SV2C: variants seen among roughly 807,000 people sequenced by gnomAD.
SV2C encodes solute carrier family 22 member B3.
In SV2C, 49 loss-of-function variants were observed where a neutral mutation model predicts 79.7. The ratio of observed to expected loss-of-function variants is 0.61; its 90% CI spans 0.49 to 0.78. The LOEUF (loss-of-function observed/expected upper bound fraction) is 0.78, where lower values mean the gene tolerates loss of function less well. Among genes scored for constraint, SV2C ranks in the 30% least tolerant of loss-of-function variants. SV2C has a pLI of 0.00. For missense variants in SV2C, 833 were observed against 912.9 expected, an observed-to-expected ratio of 0.91 and a Z score of 1.13; for synonymous variants, 334 against 333.2, an observed-to-expected ratio of 1.00 and a Z score of -0.03.
intron 4 of SV2C, among the ~76,000 whole-genome samples, chr5:76,271,133 G>T (rs892139820): frequency 6.6e-6 from 1 of 151,816 alleles, no homozygotes; most frequent in Non-Finnish European, 1.5e-5. Context: ...GGAAAAAAAA[G>T]AAATAAAAAT....
intron 1 of SV2C, among the ~76,000 whole-genome samples, chr5:76,130,964 A>G (rs1286286760): frequency 6.6e-6 from 1 of 152,194 alleles, no homozygotes; most frequent in Non-Finnish European, 1.5e-5. Context: ...AACAAGCCAT[A>G]TGTTCTAATT....
chr5:76,134,556 G>A (rs533052718), intron 2 of SV2C, among the ~76,000 whole-genome samples: 1 of 152,252 alleles, frequency 6.6e-6, no homozygotes, highest in South Asian at 2.1e-4. Flanking sequence ...TTGCTACTAA[G>A]CATTGTGTCA....
At chr5:76,117,164 T>C (rs575908188) in intron 1 of SV2C, among the ~76,000 whole-genome samples, 3 of 152,336 alleles carry the variant, frequency 2.0e-5, no homozygotes, top group South Asian at 2.1e-4. Context: ...GCACATTTCC[T>C]GACCCAACCA....
At chr5:76,102,951 GT>G (rs539536622) in intron 1 of SV2C, among the ~76,000 whole-genome samples, 229 of 152,118 alleles carry the variant, frequency 1.5e-3, no homozygotes, top group Middle Eastern at 6.8e-3. Context: ...GCTAGATTTT[GT>G]TTTTTTATTA....
intron 4 of SV2C, among the ~76,000 whole-genome samples, chr5:76,244,199 C>T (rs1391852176): frequency 1.3e-5 from 2 of 152,230 alleles, no homozygotes; most frequent in African/African-American, 4.8e-5. Context: ...AAGAACCAAA[C>T]ACGGTAAGCT....
the SV2C span, among the ~76,000 whole-genome samples, chr5:75,914,747 A>G: frequency 1.3e-5 from 2 of 152,252 alleles, no homozygotes; most frequent in Non-Finnish European, 2.9e-5. Flanking sequence ...ACATGTAATG[A>G]GTGGTTTCTA....
At chr5:76,222,659 G>T (rs1044541741) in intron 4 of SV2C, among the ~76,000 whole-genome samples, 11 of 152,208 alleles carry the variant, frequency 7.2e-5, no homozygotes, top group Admixed American at 6.5e-4. Flanking sequence ...ACCATTGAGG[G>T]AAACTGGATG....
At chr5:75,917,818 G>A in the SV2C span, among the ~76,000 whole-genome samples, 1 of 135,152 alleles carries the variant, frequency 7.4e-6, no homozygotes, top group African/African-American at 2.5e-5. Context: ...AACTTAAAGA[G>A]TGTAATTGGA....
At chr5:75,929,461 A>C in the SV2C span, among the ~76,000 whole-genome samples, 1 of 151,902 alleles carries the variant, frequency 6.6e-6, no homozygotes. Flanking sequence ...TAGGAATGTG[A>C]TTATCATGAA....
chr5:75,964,373 A>C, the SV2C span, among the ~76,000 whole-genome samples: 3 of 152,146 alleles, frequency 2.0e-5, no homozygotes. Context: ...AGTCCTTCTC[A>C]AGTATTTCTT....
At chr5:76,030,461 C>T in the SV2C span, among the ~76,000 whole-genome samples, 1 of 151,812 alleles carries the variant, frequency 6.6e-6, no homozygotes, top group Non-Finnish European at 1.5e-5. Flanking sequence ...CAAGGATTCA[C>T]AGAGTTAGAT....
the SV2C span, among the ~76,000 whole-genome samples, chr5:75,925,314 T>C: frequency 1.3e-5 from 2 of 152,194 alleles, no homozygotes; most frequent in African/African-American, 4.8e-5. Context: ...TTTGTCATAA[T>C]GTGAGAGAGG....
At chr5:75,945,376 A>G in the SV2C span, among the ~76,000 whole-genome samples, 2 of 151,928 alleles carry the variant, frequency 1.3e-5, no homozygotes, top group African/African-American at 4.8e-5. Flanking sequence ...CAATGACACA[A>G]TCATGGCTCA....
Position 76,232,847 on chromosome 5 carries a change from T to C in SV2C, c.913+22960T>C, listed in dbSNP as rs369614483. On this transcript the variant is annotated intron_variant, in intron 4 of 12. Transcript: ENST00000502798. ...TGCTGTTTTGGTTACTGTAGCCTTG[T>C]AGCATAGTTTGAAGTCAGGTATTGT... Among the ~76,000 whole-genome samples, 313 of 143,772 alleles carry C rather than the reference T, an allele frequency of 2.2e-3. 14 individuals carry two copies. The East Asian group carries it at 0.059, about 27-fold the overall frequency. The allele number at this position is 143,772 out of a possible 152,430, so 94.3% of individuals were successfully genotyped here.
chr5:76,216,801 A>G (rs1744917466), intron 4 of SV2C, among the ~76,000 whole-genome samples: 1 of 152,196 alleles, frequency 6.6e-6, no homozygotes, highest in Non-Finnish European at 1.5e-5. Context: ...CATTTAATGG[A>G]AGCCCCAGTA....
At chr5:76,014,776 A>G in the SV2C span, among the ~76,000 whole-genome samples, 6 of 152,314 alleles carry the variant, frequency 3.9e-5, no homozygotes, top group African/African-American at 1.4e-4. Context: ...AAGTTACCAG[A>G]TATAATTATA....
chr5:76,125,283 T>A (rs1262577243), intron 1 of SV2C, among the ~76,000 whole-genome samples: 1 of 152,212 alleles, frequency 6.6e-6, no homozygotes, highest in Non-Finnish European at 1.5e-5. Flanking sequence ...TTTCAGTTTT[T>A]GATACACTTG....
intron 4 of SV2C, among the ~76,000 whole-genome samples, chr5:76,251,336 A>T (rs754116296): frequency 2.6e-5 from 4 of 152,054 alleles, no homozygotes; most frequent in Non-Finnish European, 1.5e-5. Flanking sequence ...TGAGTCCAGG[A>T]GTTCAAGACC....
chr5:75,901,250 C>T, the SV2C span, among the ~76,000 whole-genome samples: 25 of 152,114 alleles, frequency 1.6e-4, no homozygotes, highest in Non-Finnish European at 3.4e-4. Flanking sequence ...TGGTGATGTA[C>T]AGATGGGTTT....
Sources: allele counts gnomAD v4.1 joint callset (sites outside exome capture counted in the v4.1 genomes callset), GRCh38; gene constraint gnomAD v4.1.1; transcripts MANE v1.5; gene names NCBI Gene and HGNC (gene_info 2026-07-23, HGNC 2026-07-21).